The following UBR4 variants were observed in gnomAD, a reference collection of about 807,000 sequenced individuals.
UBR4 encodes the protein E3 ubiquitin-protein ligase UBR4.
Under a neutral mutation model 575.6 loss-of-function variants are expected in UBR4, and 124 were observed. That is an observed-to-expected ratio of 0.22 (90% CI 0.19 to 0.25). The LOEUF (loss-of-function observed/expected upper bound fraction) is 0.25, where lower values mean the gene tolerates loss of function less well. UBR4 is among the 10% of genes least tolerant of loss of function. UBR4 has a pLI of 1.00. For synonymous variants in UBR4, 2,455 were observed against 2,473.7 expected, an observed-to-expected ratio of 0.99 and a Z score of 0.22; for missense variants, 4,818 against 6,478.8, an observed-to-expected ratio of 0.74 and a Z score of 8.80.
intron 20 of UBR4, 80 bp from the exon 21 acceptor site, chr1:19,175,113 ATACTT>A (rs2090082829): frequency 7.6e-7 from 1 of 1,308,520 alleles, no homozygotes; most frequent in Non-Finnish European, 1.1e-6. Flanking sequence ...AACTCAGAAA[ATACTT>A]TATAATAAGG....
Position 19,150,801 on chromosome 1 carries a change from A to C in UBR4, c.7214-8T>G, listed in dbSNP as rs764469518. 2 of 1,613,620 alleles carry C rather than the reference A, an allele frequency of 1.2e-6. No individual in the cohort carries two copies. Among genetic ancestry groups the C allele is most frequent in the South Asian group, 2.2e-5 (2 of 91,078 alleles). Reference sequence around the variant, plus strand: ...GATCCACCGAGGCCCCAACTGCAATAAGCAAGAGAGGCCTTTAGGAAGCAC... The same window carrying C: ...GATCCACCGAGGCCCCAACTGCAATCAGCAAGAGAGGCCTTTAGGAAGCAC... On this transcript the variant is annotated splice_region_variant and splice_polypyrimidine_tract_variant and intron_variant, in intron 48 of 105. Transcript: ENST00000375254.
intron 105 of UBR4, chr1:19,075,441 C>T (rs193018177): frequency 6.1e-6 from 1 of 163,834 alleles, no homozygotes. Context: ...ACCAGCCCAC[C>T]TGGTCCCAGG....
rs150788672 is a variant in UBR4 at position 19,150,743 on chromosome 1, T to C, written c.7264A>G (p.Ile2422Val). The stretch of plus-strand genomic sequence containing the variant: ...AACTGCTCCTTAGTCTTGCCATAAA[T>C]TTTTACAGCATCTATCATGGTGACA... ...AGVTMIDAVK[I>V]YGKTKEQFGW... Residue 2422 changes from isoleucine (I) to valine (V), a missense_variant, in exon 49 of 106, where the codon ATT (isoleucine) becomes GTT (valine). Transcript: ENST00000375254. The C allele has an allele frequency of 1.2e-5, 20 of 1,613,920 alleles. No homozygotes were observed. Among genetic ancestry groups the C allele is most frequent in the Non-Finnish European group, 1.7e-5 (20 of 1,180,014 alleles).
chr1:19,084,877 T>C (rs1477820340), intron 101 of UBR4, among the ~76,000 whole-genome samples, 179 bp from the exon 102 acceptor site: 3 of 152,206 alleles, frequency 2.0e-5, no homozygotes, highest in African/African-American at 7.2e-5. Flanking sequence ...GACAAGGCCA[T>C]AGGACGTTTT....
At chr1:19,086,650 G>A in intron 100 of UBR4, 29 bp downstream of exon 100, 1 of 1,611,022 alleles carries the variant, frequency 6.2e-7, no homozygotes, top group Non-Finnish European at 8.5e-7. Flanking sequence ...GCCTACTGAA[G>A]GAGCCATTCC....
At chr1:19,092,681 A>G (rs2148864537) in intron 97 of UBR4, 138 bp downstream of exon 97, 1 of 635,372 alleles carries the variant, frequency 1.6e-6, no homozygotes. Flanking sequence ...CTCAGCACAC[A>G]TAGATGAAGT....
intron 11 of UBR4, among the ~76,000 whole-genome samples, chr1:19,190,775 T>C (rs1251572187): frequency 1.3e-5 from 2 of 152,214 alleles, no homozygotes; most frequent in Non-Finnish European, 2.9e-5. Context: ...CGCACCACCC[T>C]ATCCAAGTCA....
At chr1:19,179,272 T>C in intron 17 of UBR4, 52 bp from the exon 18 acceptor site, 1 of 1,470,832 alleles carries the variant, frequency 6.8e-7, no homozygotes, top group Non-Finnish European at 9.0e-7. Flanking sequence ...CGGGATAAAG[T>C]CAAAAGGTTA....
rs577425577 is a variant in UBR4 at position 19,092,448 on chromosome 1, T to A, written c.14211+371A>T. Among the ~76,000 whole-genome samples, 3 of 151,494 alleles carry A rather than the reference T, an allele frequency of 2.0e-5. No homozygotes were observed. The South Asian group carries it at 6.2e-4, about 31-fold the overall frequency. ...ATCAGGAATGAGCTGCGGAGTGGAA[T>A]GGGTGGGACTCCCTAAGAACAAGGG... On this transcript the variant is annotated intron_variant, in intron 97 of 105. Coordinates refer to ENST00000375254, the MANE Select transcript of UBR4 (RefSeq NM_020765.3).
chr1:19,117,950 C>G lies in UBR4; in HGVS notation c.10542-40G>C. The G allele has an allele frequency of 1.3e-6, 2 of 1,588,738 alleles. No individual in the cohort carries two copies. The highest frequency in any genetic ancestry group is 1.7e-6 in the Non-Finnish European group (2 of 1,157,348). ...AGTCTTAGCATGAACACATTTTCAT[C>G]TTAGGAAGCACTGAGTTTCACAAAA... On this transcript the variant is annotated intron_variant, in intron 71 of 105. Transcript: ENST00000375254. This position sits in a 1 kb window ranked among gnomAD's most constrained non-coding sequence, Gnocchi z 4.0.
intron 60 of UBR4, among the ~76,000 whole-genome samples, chr1:19,134,204 T>C (rs1344713409): frequency 1.4e-5 from 2 of 147,554 alleles, no homozygotes; most frequent in Non-Finnish European, 3.0e-5. Context: ...CAATCAGCTA[T>C]GATTGTGCCA....
chr1:19,196,401 G>A (rs1363353018), intron 8 of UBR4, among the ~76,000 whole-genome samples: 1 of 152,160 alleles, frequency 6.6e-6, no homozygotes, highest in African/African-American at 2.4e-5. Flanking sequence ...AAGACTATCT[G>A]CTCAAATCTT....
At chr1:19,196,590 C>G (rs1038558231) in intron 8 of UBR4, among the ~76,000 whole-genome samples, 1 of 152,038 alleles carries the variant, frequency 6.6e-6, no homozygotes, top group African/African-American at 2.4e-5. Flanking sequence ...GCAGTAAGAT[C>G]AACAGGAAAA....
At chr1:19,092,063 G>A (rs745738037) in intron 97 of UBR4, among the ~76,000 whole-genome samples, 18 of 152,176 alleles carry the variant, frequency 1.2e-4, no homozygotes, top group Non-Finnish European at 2.5e-4. Context: ...TACAGAAATG[G>A]AGAACACATC....
Position 19,164,419 on chromosome 1 carries a change from C to T in UBR4, c.4534G>A (p.Ala1512Thr). 1 of 1,613,954 alleles carries T rather than the reference C, an allele frequency of 6.2e-7. No individual in the cohort carries two copies. The highest frequency in any genetic ancestry group is 8.5e-7 in the Non-Finnish European group (1 of 1,179,944). The change falls in exon 33 of 106, where the codon GCT becomes ACT. Residue 1512 changes from alanine (A) to threonine (T), a missense_variant. Transcript: ENST00000375254. The stretch of plus-strand genomic sequence containing the variant: ...GGAGTCAGGGTGCCCAGAAGAACAG[C>T]ACACACACCTTCCCCAACTTGGCTA... ...ENSQVGEGVCAVLLGTLTPMA... is the reference protein window; with the variant it reads ...ENSQVGEGVCTVLLGTLTPMA...
intron 2 of UBR4, among the ~76,000 whole-genome samples, chr1:19,200,610 A>C (rs1460605721): frequency 6.6e-6 from 1 of 152,096 alleles, no homozygotes. Context: ...AATTAGTCTC[A>C]TAACCCGATC....
At position 19,112,588 on chromosome 1, in the gene UBR4, T is replaced by C. The variant is rs754459468; in HGVS notation, c.11737A>G (p.Asn3913Asp). 4 of 1,614,230 alleles carry C rather than the reference T, an allele frequency of 2.5e-6. No individual in the cohort carries two copies. Among genetic ancestry groups the C allele is most frequent in the Non-Finnish European group, 3.4e-6 (4 of 1,180,034 alleles). Residue 3913 changes from asparagine to aspartate, a missense_variant, in exon 78 of 106, where the codon AAT (asparagine) becomes GAT (aspartate). Transcript: ENST00000375254. ...ATGGCCGCAGCCCCTCGGCGAAGAT[T>C]ATAATCAAAGAGCTCCCGGATAAGG... ...QGLIRELFDYNLRRGAAAMRE... is the reference protein window; with the variant it reads ...QGLIRELFDYDLRRGAAAMRE...
intron 81 of UBR4, 80 bp from the exon 82 acceptor site, chr1:19,107,046 C>T: frequency 6.4e-7 from 1 of 1,562,228 alleles, no homozygotes; most frequent in Non-Finnish European, 8.7e-7. Flanking sequence ...GCACTGGTGC[C>T]CCAGGGGGTG....
chr1:19,110,755 G>A lies in UBR4; in HGVS notation c.11879C>T (p.Ala3960Val). The A allele has an allele frequency of 6.2e-7, 1 of 1,614,138 alleles. No homozygotes were observed. The highest frequency in any genetic ancestry group is 1.7e-5 in the Admixed American group (1 of 60,022). ...AGGCCGGCTCACCAGATCGGGGTTG[G>A]CCCAGTGGCCCTTCAGGGCTGTGGA... Reference protein sequence around the residue: ...KVSTALKGHWANPDLASSLQY... With the variant: ...KVSTALKGHWVNPDLASSLQY... Residue 3960 changes from alanine (A) to valine (V), a missense_variant, in exon 79 of 106, where the codon GCC (alanine) becomes GTC (valine). Transcript: ENST00000375254. The surrounding 1 kb of genome is among the most constrained non-coding windows in gnomAD (Gnocchi z 4.5).
Sources: gnomAD v4.1 joint callset for allele counts (sites outside exome capture counted in the v4.1 genomes callset) on GRCh38, gnomAD v4.1.1 for gene constraint, Gnocchi (gnomAD v3.1) non-coding constraint, MANE v1.5 for transcripts, NCBI Gene and HGNC (gene_info 2026-07-23, HGNC 2026-07-21) for gene names.